FSTL5: variants seen among roughly 807,000 people sequenced by gnomAD.
The protein encoded by FSTL5 is follistatin like 5, also known as follistatin-related protein 5.
A neutral mutation model predicts 89.1 loss-of-function variants in FSTL5; 62 were observed. That is an observed-to-expected ratio of 0.70 (90% confidence interval 0.57 to 0.86). The LOEUF (loss-of-function observed/expected upper bound fraction) is 0.86, where lower values mean the gene tolerates loss of function less well. Among genes scored for constraint, FSTL5 ranks in the 40% least tolerant of loss-of-function variants. FSTL5 has a pLI of 0.00. For missense variants in FSTL5, 1,057 were observed against 1,001.6 expected (o/e 1.06, Z -0.75); for synonymous variants, 383 against 346.2 (o/e 1.11, Z -1.18).
At chr4:162,112,993 T>C (rs1994771) in intron 1 of FSTL5, among the ~76,000 whole-genome samples, 120,074 of 152,052 alleles carry the variant, frequency 0.79, 47,899 homozygotes, top group Non-Finnish European at 0.84. Context: ...GTTCAGCCTA[T>C]TGCTTTATTT....
chr4:161,782,550 G>GA (rs1560842726), intron 4 of FSTL5, among the ~76,000 whole-genome samples: 1 of 152,082 alleles, frequency 6.6e-6, no homozygotes. Context: ...TCTACACACA[G>GA]AAAATTTGAA....
At chr4:161,391,481 C>T (rs1730820683) in intron 15 of FSTL5, among the ~76,000 whole-genome samples, 1 of 152,094 alleles carries the variant, frequency 6.6e-6, no homozygotes, top group Admixed American at 6.6e-5. Context: ...TATGTTATAG[C>T]TGACACAGTA....
At chr4:161,869,801 C>T (rs957066369) in intron 4 of FSTL5, among the ~76,000 whole-genome samples, 5 of 152,190 alleles carry the variant, frequency 3.3e-5, no homozygotes, top group Non-Finnish European at 7.4e-5. Flanking sequence ...ATATGGCATT[C>T]TCCTACAGAT....
intron 4 of FSTL5, among the ~76,000 whole-genome samples, chr4:161,782,865 A>T (rs939904235): frequency 3.9e-5 from 6 of 152,276 alleles, no homozygotes; most frequent in Middle Eastern, 3.4e-3. Context: ...TTCAATAAAG[A>T]TGTTCTAGTA....
At chr4:162,001,335 T>A (rs1190999830) in intron 3 of FSTL5, among the ~76,000 whole-genome samples, 1 of 152,120 alleles carries the variant, frequency 6.6e-6, no homozygotes, top group Non-Finnish European at 1.5e-5. Flanking sequence ...TATCTATCTA[T>A]CTAGAGAGTA....
intron 4 of FSTL5, among the ~76,000 whole-genome samples, chr4:161,880,284 T>G (rs1297261751): frequency 6.6e-6 from 1 of 151,964 alleles, no homozygotes; most frequent in African/African-American, 2.4e-5. Flanking sequence ...TGAAAGAAAA[T>G]TAATATTAAT....
chr4:162,140,625 T>G (rs1579058803), intron 1 of FSTL5, among the ~76,000 whole-genome samples: 1 of 152,184 alleles, frequency 6.6e-6, no homozygotes, highest in East Asian at 1.9e-4. Flanking sequence ...CTGACTTAGG[T>G]TTCATAAGAT....
chr4:162,026,304 C>CTTTTTTTTTCTTTTTTTTTTTTTTT (rs1553992345), intron 3 of FSTL5, among the ~76,000 whole-genome samples: 2 of 79,474 alleles, frequency 2.5e-5, no homozygotes, highest in Non-Finnish European at 4.4e-5. Context: ...TATGTATTTT[C>CTTTTTTTTTCTTTTTTTTTTTTTTT]TTTTTTTTTT....
At chr4:161,743,555 C>T (rs375649534) in intron 6 of FSTL5, among the ~76,000 whole-genome samples, 2 of 151,942 alleles carry the variant, frequency 1.3e-5, no homozygotes, top group Non-Finnish European at 2.9e-5. Flanking sequence ...TCCATATGAA[C>T]TTTAGTTTTT....
At chr4:161,915,126 A>AT (rs1733802695) in intron 4 of FSTL5, among the ~76,000 whole-genome samples, 1 of 152,190 alleles carries the variant, frequency 6.6e-6, no homozygotes, top group African/African-American at 2.4e-5. Context: ...TTGATGGGCC[A>AT]TTTTTAAAAC....
intron 7 of FSTL5, among the ~76,000 whole-genome samples, chr4:161,595,806 T>C (rs996987729): frequency 6.6e-6 from 1 of 152,042 alleles, no homozygotes; most frequent in African/African-American, 2.4e-5. Flanking sequence ...AGATATTTCA[T>C]CTGTTATAAA....
intron 8 of FSTL5, among the ~76,000 whole-genome samples, chr4:161,565,187 T>A (rs2126576785): frequency 6.6e-6 from 1 of 151,454 alleles, no homozygotes; most frequent in South Asian, 2.1e-4. Context: ...CCCTCCAATC[T>A]ATACAGATTT....
intron 15 of FSTL5, among the ~76,000 whole-genome samples, chr4:161,407,474 C>T (rs1479440911): frequency 1.3e-5 from 2 of 152,124 alleles, no homozygotes; most frequent in African/African-American, 4.8e-5. Context: ...TGGCTAGTTC[C>T]CCTCCCCAAC....
At chr4:161,481,284 A>AAT (rs202020180) in intron 12 of FSTL5, 115 bp from the exon 13 acceptor site, 720 of 580,244 alleles carry the variant, frequency 1.2e-3, no homozygotes, top group Admixed American at 2.4e-3. Context: ...TCAAATGTTA[A>AAT]ATATATATAT....
intron 11 of FSTL5, among the ~76,000 whole-genome samples, chr4:161,506,975 T>C (rs1214634981): frequency 6.6e-6 from 1 of 152,190 alleles, no homozygotes; most frequent in Non-Finnish European, 1.5e-5. Context: ...TACGAAACTT[T>C]TTTTCTGCTT....
At chr4:162,156,157 A>C (rs542713236) in intron 1 of FSTL5, among the ~76,000 whole-genome samples, 1 of 152,286 alleles carries the variant, frequency 6.6e-6, no homozygotes, top group Admixed American at 6.5e-5. Flanking sequence ...GTCACAAATC[A>C]ATCATCAGAA....
chr4:161,974,532 G>T lies in FSTL5; in HGVS notation c.161-53880C>A, dbSNP rs1221885592. Among the ~76,000 whole-genome samples, 4 of 129,432 alleles carry T rather than the reference G, an allele frequency of 3.1e-5. 1 individual carries two copies. The highest frequency in any genetic ancestry group is 1.2e-4 in the African/African-American group (4 of 33,498). 84.9% of individuals were successfully genotyped at this position (129,432 alleles called of 152,430 possible). ...TTCCCTATTTAATAAATGGTGCTGG[G>T]AAAACTGGCTAGCCATATGTAGAAA... On this transcript the variant is annotated intron_variant, in intron 3 of 15. Transcript: ENST00000306100.
chr4:161,805,092 C>A (rs1378243563), intron 4 of FSTL5, among the ~76,000 whole-genome samples: 1 of 152,046 alleles, frequency 6.6e-6, no homozygotes, highest in Non-Finnish European at 1.5e-5. Flanking sequence ...AGCAGCTCAC[C>A]ATTGTTTCAC....
intron 4 of FSTL5, among the ~76,000 whole-genome samples, chr4:161,825,654 A>G (rs1730644694): frequency 6.6e-6 from 1 of 152,072 alleles, no homozygotes; most frequent in Non-Finnish European, 1.5e-5. Flanking sequence ...TATCTCTTCT[A>G]GGTTTTCCAG....
Sources: gnomAD v4.1 joint callset for allele counts (sites outside exome capture counted in the v4.1 genomes callset) on GRCh38, gnomAD v4.1.1 for gene constraint, MANE v1.5 for transcripts, NCBI Gene and HGNC (gene_info 2026-07-23, HGNC 2026-07-21) for gene names.